The following MAF variants were observed in gnomAD, a reference collection of about 807,000 sequenced individuals.
The protein encoded by MAF is transcription factor Maf.
In MAF, 10 loss-of-function variants were observed where a neutral mutation model predicts 22.0. The ratio of observed to expected loss-of-function variants is 0.45; its 90% confidence interval spans 0.28 to 0.77. The LOEUF (loss-of-function observed/expected upper bound fraction) is 0.77. Ranked by LOEUF, MAF falls within the 30% of genes least tolerant of loss-of-function variation. MAF has a pLI of 0.12. For synonymous variants in MAF, 337 were observed against 255.8 expected, an observed-to-expected ratio of 1.32 and a Z score of -3.03; for missense variants, 544 against 548.4, an observed-to-expected ratio of 0.99 and a Z score of 0.08.
the MAF span, among the ~76,000 whole-genome samples, chr16:79,225,301 C>G: frequency 6.6e-6 from 1 of 152,180 alleles, no homozygotes; most frequent in Non-Finnish European, 1.5e-5. Context: ...AGAAAACTGG[C>G]TAGCCATATG....
At chr16:79,358,843 G>A in the MAF span, among the ~76,000 whole-genome samples, 1 of 152,218 alleles carries the variant, frequency 6.6e-6, no homozygotes, top group Non-Finnish European at 1.5e-5. Context: ...GTCTGAGATT[G>A]AGGTAGGCCA....
chr16:79,589,719 CCCGGAGCTCGCT>C (rs1234929774), downstream of MAF, among the ~76,000 whole-genome samples: 6 of 152,296 alleles, frequency 3.9e-5, no homozygotes, highest in Non-Finnish European at 8.8e-5. Flanking sequence ...TTTGATATCC[CCCGGAGCTCGCT>C]CGCGCTAGGG....
chr16:79,572,610 C>T, the MAF span, among the ~76,000 whole-genome samples: 1 of 152,232 alleles, frequency 6.6e-6, no homozygotes, highest in Non-Finnish European at 1.5e-5. Context: ...GAAGTGGCTT[C>T]AGAGGAGGGA....
At chr16:79,450,010 C>T in the MAF span, among the ~76,000 whole-genome samples, 1 of 152,206 alleles carries the variant, frequency 6.6e-6, no homozygotes, top group Non-Finnish European at 1.5e-5. Context: ...AAAACAATTG[C>T]TGCTCTTTTA....
Position 79,599,551 on chromosome 16 carries a change from T to A in MAF, c.352A>T (p.Ile118Phe). The A allele has an allele frequency of 6.3e-7, 1 of 1,575,988 alleles. No homozygotes were observed. Among genetic ancestry groups the A allele is most frequent in the Non-Finnish European group, 8.6e-7 (1 of 1,161,362 alleles). The change falls in exon 1 of 2, where the codon ATC becomes TTC. Residue 118 changes from isoleucine to phenylalanine, a missense_variant. By Grantham distance (21) the Ile-to-Phe change is conservative (BLOSUM62 0). This residue lies in a region of MAF where 342 missense variants were observed against 315.5 expected (regional missense o/e 1.08). Transcript: ENST00000326043. Reference protein sequence around the residue: ...FSPEDAVEALISNSHQLQGGF... With the variant: ...FSPEDAVEALFSNSHQLQGGF... ...CCCTGGAGCTGGTGGCTGTTGCTGA[T>A]GAGCGCCTCGACCGCGTCCTCGGGG... is the stretch of plus-strand genomic sequence containing the variant.
chr16:79,325,598 A>AACACACAC, the MAF span, among the ~76,000 whole-genome samples: 321 of 145,622 alleles, frequency 2.2e-3, 2 homozygotes, highest in East Asian at 5.5e-3. Context: ...CCCAGACACA[A>AACACACAC]ACACACACAC....
the MAF span, among the ~76,000 whole-genome samples, chr16:79,225,647 C>T: frequency 6.6e-6 from 1 of 151,992 alleles, no homozygotes; most frequent in East Asian, 1.9e-4. Flanking sequence ...GGCTAATATC[C>T]AGAATCTACA....
At chr16:79,202,760 G>A in the MAF span, 3 of 152,162 alleles carry the variant, frequency 2.0e-5, no homozygotes, top group African/African-American at 4.8e-5. Flanking sequence ...AGCATGCATA[G>A]CTTGTTAGTA....
the MAF span, among the ~76,000 whole-genome samples, chr16:79,515,049 G>A: frequency 1.3e-5 from 2 of 152,136 alleles, no homozygotes; most frequent in African/African-American, 4.8e-5. Context: ...TCAAACCTCC[G>A]CTCACACCTT....
At chr16:79,565,223 G>A in the MAF span, among the ~76,000 whole-genome samples, 2 of 152,114 alleles carry the variant, frequency 1.3e-5, no homozygotes, top group Non-Finnish European at 2.9e-5. Context: ...GTTGAACCCG[G>A]CCCAATTACC....
chr16:79,210,820 C>A, the MAF span, among the ~76,000 whole-genome samples: 21 of 152,122 alleles, frequency 1.4e-4, no homozygotes, highest in African/African-American at 5.1e-4. Flanking sequence ...ACGTCCCTAG[C>A]CACAGCCGCA....
At chr16:79,475,362 A>ATGTGTGTATGTG in the MAF span, among the ~76,000 whole-genome samples, 1 of 148,732 alleles carries the variant, frequency 6.7e-6, no homozygotes, top group Non-Finnish European at 1.5e-5. Flanking sequence ...ATGTATATAT[A>ATGTGTGTATGTG]TGTGTGTGTG....
At chr16:79,481,013 C>T in the MAF span, among the ~76,000 whole-genome samples, 1 of 152,186 alleles carries the variant, frequency 6.6e-6, no homozygotes, top group African/African-American at 2.4e-5. Flanking sequence ...TACTTTTCTT[C>T]ATTACCCTTA....
the MAF span, among the ~76,000 whole-genome samples, chr16:79,223,712 T>A: frequency 7.2e-5 from 11 of 152,212 alleles, no homozygotes; most frequent in East Asian, 1.5e-3. Flanking sequence ...CAAACTACCA[T>A]CAGAGAATAC....
At chr16:79,213,186 C>G in the MAF span, among the ~76,000 whole-genome samples, 11 of 152,134 alleles carry the variant, frequency 7.2e-5, no homozygotes, top group African/African-American at 2.7e-4. Context: ...TGCTGAAATA[C>G]CAGGAAGGTG....
At chr16:79,295,986 C>A in the MAF span, among the ~76,000 whole-genome samples, 1 of 152,218 alleles carries the variant, frequency 6.6e-6, no homozygotes, top group Non-Finnish European at 1.5e-5. Flanking sequence ...GTAAGCTAGA[C>A]CTGCCTTAAG....
the MAF span, among the ~76,000 whole-genome samples, chr16:79,370,355 C>T: frequency 6.6e-6 from 1 of 152,054 alleles, no homozygotes; most frequent in East Asian, 1.9e-4. Context: ...CTTAAAACAC[C>T]CCCAAAATCT....
chr16:79,354,152 G>C, the MAF span, among the ~76,000 whole-genome samples: 19 of 152,054 alleles, frequency 1.2e-4, 1 homozygote, highest in Middle Eastern at 3.4e-3. Context: ...GCACCACCGT[G>C]ACTAATTTTT....
At chr16:79,581,598 C>T (rs1485972431), downstream of MAF, among the ~76,000 whole-genome samples, 1 of 152,122 alleles carries the variant, frequency 6.6e-6, no homozygotes, top group Non-Finnish European at 1.5e-5. Context: ...CTACTGCCTA[C>T]CTGCTAGCAA....
Sources: gnomAD v4.1 joint callset for allele counts (sites outside exome capture counted in the v4.1 genomes callset) on GRCh38, gnomAD v4.1.1 for gene constraint, gnomAD v4.1.1 regional missense constraint, MANE v1.5 for transcripts, NCBI Gene and HGNC (gene_info 2026-07-23, HGNC 2026-07-21) for gene names.